ATP6V1C2: variants seen among roughly 807,000 people sequenced by gnomAD.
ATP6V1C2 encodes the protein ATPase H+ transporting V1 subunit C2.
A neutral mutation model predicts 56.8 loss-of-function variants in ATP6V1C2; 45 were observed. The observed-to-expected ratio is 0.79, with a 90% CI of 0.62 to 1.02. ATP6V1C2 has a LOEUF of 1.02. ATP6V1C2 is among the 50% of genes least tolerant of loss of function. The pLI, the probability that ATP6V1C2 is intolerant of heterozygous loss-of-function variation, is 0.00. For missense variants in ATP6V1C2, 463 were observed against 519.7 expected (o/e 0.89, Z 1.06); for synonymous variants, 220 against 201.3 (o/e 1.09, Z -0.79).
intron 4 of ATP6V1C2, among the ~76,000 whole-genome samples, chr2:10,757,974 TC>T (rs1663654939): frequency 6.6e-6 from 1 of 152,328 alleles, no homozygotes; most frequent in South Asian, 2.1e-4. Flanking sequence ...CCCAACCCGC[TC>T]AAACTGGTAG....
At chr2:10,736,532 T>A (rs1395016044) in intron 3 of ATP6V1C2, among the ~76,000 whole-genome samples, 1 of 152,182 alleles carries the variant, frequency 6.6e-6, no homozygotes, top group African/African-American at 2.4e-5. Context: ...CCTAGTTTGC[T>A]TTTAAGAGAA....
chr2:10,743,562 T>C (rs2148439137), intron 3 of ATP6V1C2, among the ~76,000 whole-genome samples: 1 of 151,822 alleles, frequency 6.6e-6, no homozygotes, highest in Admixed American at 6.6e-5. Flanking sequence ...AGAATACATT[T>C]CTGGAAGTTC....
chr2:10,779,782 C>G (rs2148517088), intron 12 of ATP6V1C2, among the ~76,000 whole-genome samples: 2 of 151,804 alleles, frequency 1.3e-5, no homozygotes, highest in African/African-American at 4.8e-5. Context: ...ATTTTAACAC[C>G]AGGAGAGAAC....
Position 10,775,035 on chromosome 2 carries a change from G to C in ATP6V1C2, c.789G>C (p.Glu263Asp), listed in dbSNP as rs760898310. ...DEKEIERERE[E>D]MARLLSDKKQ... ...AGGAAATTGAAAGGGAAAGGGAGGAGATGGCCAGATTGCTGTCTGATAAGA... is the reference window on the plus strand; with the variant it reads ...AGGAAATTGAAAGGGAAAGGGAGGACATGGCCAGATTGCTGTCTGATAAGA... The change falls in exon 10 of 14, where the codon GAG (glutamate) becomes GAC (aspartate). Residue 263 changes from glutamate (E) to aspartate (D), a missense_variant. By Grantham distance (45) the Glu-to-Asp change is conservative. Transcript: ENST00000272238. The C allele has an allele frequency of 7.4e-6, 12 of 1,613,964 alleles. No individual in the cohort carries two copies. The African/African-American group carries it at 1.3e-4, about 18-fold the overall frequency.
At chr2:10,754,814 G>A (rs377745704) in intron 4 of ATP6V1C2, among the ~76,000 whole-genome samples, 1 of 150,904 alleles carries the variant, frequency 6.6e-6, no homozygotes, top group Non-Finnish European at 1.5e-5. Context: ...TCCTGACCTT[G>A]TGTCCGCCCG....
chr2:10,739,523 G>A (rs1662433043), intron 3 of ATP6V1C2, among the ~76,000 whole-genome samples: 1 of 152,006 alleles, frequency 6.6e-6, no homozygotes, highest in East Asian at 2.0e-4. Context: ...TCCTATGCCT[G>A]GAAGACCCCC....
Position 10,772,561 on chromosome 2 carries a change from C to CA in ATP6V1C2, c.595dup (p.Thr199AsnfsTer19). 6.2e-7 allele frequency: 1 copy of CA among 1,613,924 alleles called. No individual in the cohort carries two copies. The highest frequency in any genetic ancestry group is 8.5e-7 in the Non-Finnish European group (1 of 1,179,904). Reference sequence around the variant, plus strand: ...TTGCAGACCAAACTACTCACAATGGCAAAAAACCTACGAATCTCTCTCAGA... The same window carrying CA: ...TTGCAGACCAAACTACTCACAATGGCAAAAAAACCTACGAATCTCTCTCAGA... On this transcript the variant is annotated frameshift_variant, in exon 8 of 14. Transcript: ENST00000272238. LOFTEE classifies it high-confidence loss of function.
chr2:10,782,521 A>T, intron 13 of ATP6V1C2, 146 bp downstream of exon 13: 1 of 936,108 alleles, frequency 1.1e-6, no homozygotes, highest in Non-Finnish European at 1.5e-6. Flanking sequence ...CCAACATGGT[A>T]AGACCCTGTC....
intron 4 of ATP6V1C2, among the ~76,000 whole-genome samples, chr2:10,762,854 G>A (rs1664005325): frequency 6.6e-6 from 1 of 151,854 alleles, no homozygotes; most frequent in African/African-American, 2.4e-5. Flanking sequence ...CCCCTCCCAG[G>A]GCTCCTCCCA....
chr2:10,725,657 G>A (rs1263825018), intron 2 of ATP6V1C2, among the ~76,000 whole-genome samples: 3 of 151,134 alleles, frequency 2.0e-5, no homozygotes, highest in Admixed American at 1.3e-4. Flanking sequence ...ACCATGCCCG[G>A]CTAATTTTTG....
At chr2:10,743,236 A>AC (rs747499212) in intron 3 of ATP6V1C2, among the ~76,000 whole-genome samples, 165 of 151,764 alleles carry the variant, frequency 1.1e-3, no homozygotes, top group Non-Finnish European at 2.1e-3. Flanking sequence ...CTACAGGCAC[A>AC]CCCCACTACC....
intron 4 of ATP6V1C2, among the ~76,000 whole-genome samples, chr2:10,762,262 C>T (rs1057513079): frequency 6.6e-6 from 1 of 151,578 alleles, no homozygotes; most frequent in African/African-American, 2.4e-5. Context: ...TCTTCTGCCT[C>T]AGCCTCCCCA....
At chr2:10,761,046 G>A (rs1663877460) in intron 4 of ATP6V1C2, among the ~76,000 whole-genome samples, 1 of 152,214 alleles carries the variant, frequency 6.6e-6, no homozygotes, top group Admixed American at 6.5e-5. Flanking sequence ...TGTCCTCGAG[G>A]AGCCTGAGAC....
intron 3 of ATP6V1C2, among the ~76,000 whole-genome samples, chr2:10,751,823 TCTGG>T (rs1345153221): frequency 6.6e-6 from 1 of 152,158 alleles, no homozygotes; most frequent in Non-Finnish European, 1.5e-5. Context: ...CTTAACTCTG[TCTGG>T]CTGGGCGCAG....
At chr2:10,765,849 G>T (rs975700901) in intron 5 of ATP6V1C2, among the ~76,000 whole-genome samples, 1 of 152,190 alleles carries the variant, frequency 6.6e-6, no homozygotes, top group Admixed American at 6.5e-5. Flanking sequence ...GCCCCCTGGA[G>T]CACATGGAGG....
chr2:10,764,505 C>G, intron 5 of ATP6V1C2, 80 bp downstream of exon 5: 1 of 1,195,326 alleles, frequency 8.4e-7, no homozygotes, highest in Non-Finnish European at 1.2e-6. Flanking sequence ...CCCCTGCCAA[C>G]AGCCTCAGCC....
chr2:10,745,972 C>T (rs4669621), intron 3 of ATP6V1C2, among the ~76,000 whole-genome samples: 91,733 of 152,018 alleles, frequency 0.6, 27,869 homozygotes, highest in Admixed American at 0.71. Flanking sequence ...AGTGCCGCAT[C>T]GTATGGACAC....
intron 3 of ATP6V1C2, among the ~76,000 whole-genome samples, chr2:10,746,734 C>T (rs1030343579): frequency 4.6e-5 from 7 of 152,098 alleles, no homozygotes; most frequent in Non-Finnish European, 1.0e-4. Flanking sequence ...TTTCTATTTG[C>T]AAAAGTAATA....
intron 4 of ATP6V1C2, among the ~76,000 whole-genome samples, chr2:10,756,717 CA>C (rs1438104580): frequency 6.6e-6 from 1 of 151,678 alleles, no homozygotes; most frequent in Non-Finnish European, 1.5e-5. Context: ...AACTCTGTCT[CA>C]AAAAAAGAAA....
Sources: allele counts gnomAD v4.1 joint callset (sites outside exome capture counted in the v4.1 genomes callset), GRCh38; gene constraint gnomAD v4.1.1; transcripts MANE v1.5; gene names NCBI Gene and HGNC (gene_info 2026-07-23, HGNC 2026-07-21).